The following FBXL7 variants were observed in gnomAD, a reference collection of about 807,000 sequenced individuals.
The protein encoded by FBXL7 is F-box/LRR-repeat protein 7.
Under a neutral mutation model 38.3 loss-of-function variants are expected in FBXL7, and 12 were observed. The ratio of observed to expected loss-of-function variants is 0.31; its 90% CI spans 0.20 to 0.51. The LOEUF (loss-of-function observed/expected upper bound fraction) is 0.51. Ranked by LOEUF, FBXL7 falls within the 20% of genes least tolerant of loss-of-function variation. FBXL7 has a pLI of 0.98. For synonymous variants in FBXL7, 297 were observed against 300.9 expected (o/e 0.99, Z 0.13); for missense variants, 567 against 676.4 (o/e 0.84, Z 1.79).
At chr5:15,754,641 G>T (rs556273830) in intron 2 of FBXL7, among the ~76,000 whole-genome samples, 1 of 152,294 alleles carries the variant, frequency 6.6e-6, no homozygotes, top group Non-Finnish European at 1.5e-5. Context: ...TGAGAAAACT[G>T]TACTATTCTA....
At chr5:15,618,495 G>A (rs770315978) in intron 2 of FBXL7, among the ~76,000 whole-genome samples, 2 of 152,150 alleles carry the variant, frequency 1.3e-5, no homozygotes, top group Non-Finnish European at 2.9e-5. Context: ...ATGTATTTCA[G>A]GGATGTTTGC....
rs1271748755 is a variant in FBXL7 at position 15,551,582 on chromosome 5, C to G, written c.37+50869C>G. On this transcript the variant is annotated intron_variant, in intron 1 of 3. Coordinates refer to ENST00000504595, the MANE Select transcript of FBXL7 (RefSeq NM_012304.5). ...CATGGCAGCATGGAGATGGACACTC[C>G]TGGTTGGGACTCCTGTGGATCTTTA... Among the ~76,000 whole-genome samples the G allele has an allele frequency of 2.0e-5, 3 of 152,176 alleles. No homozygotes were observed. In the South Asian group the frequency reaches 6.2e-4, roughly 32 times the overall value.
chr5:15,855,340 C>T (rs536344193), intron 2 of FBXL7, among the ~76,000 whole-genome samples: 65 of 152,166 alleles, frequency 4.3e-4, no homozygotes, highest in Middle Eastern at 3.4e-3. Flanking sequence ...CCCTTTCAGA[C>T]GTTTTTCTGC....
chr5:15,560,221 ATACT>A (rs1738372687), intron 1 of FBXL7, among the ~76,000 whole-genome samples: 1 of 152,186 alleles, frequency 6.6e-6, no homozygotes, highest in African/African-American at 2.4e-5. Context: ...GACCTTAATA[ATACT>A]TAATATTTCT....
intron 2 of FBXL7, among the ~76,000 whole-genome samples, chr5:15,880,917 A>G (rs1391158076): frequency 6.6e-6 from 1 of 151,764 alleles, no homozygotes; most frequent in Non-Finnish European, 1.5e-5. Context: ...TTATTATTCT[A>G]TGATTCTAGT....
intron 2 of FBXL7, among the ~76,000 whole-genome samples, chr5:15,674,172 A>G (rs1742576787): frequency 6.6e-6 from 1 of 152,224 alleles, no homozygotes; most frequent in Admixed American, 6.5e-5. Flanking sequence ...ATTAAGAACT[A>G]GTGATAATTC....
chr5:15,856,267 C>A (rs1025031553), intron 2 of FBXL7, among the ~76,000 whole-genome samples: 1 of 152,028 alleles, frequency 6.6e-6, no homozygotes, highest in African/African-American at 2.4e-5. Context: ...AAACCGACCC[C>A]ATGATTCAAA....
intron 2 of FBXL7, among the ~76,000 whole-genome samples, chr5:15,748,325 C>T (rs957984676): frequency 6.6e-6 from 1 of 152,214 alleles, no homozygotes; most frequent in African/African-American, 2.4e-5. Flanking sequence ...ATGTTTCTCA[C>T]CACTTAAATA....
intron 1 of FBXL7, chr5:15,602,251 T>C (rs1739821188): frequency 6.6e-6 from 1 of 152,110 alleles, no homozygotes. Flanking sequence ...TACGGAGTAC[T>C]TTACAGCATG....
At chr5:15,643,598 T>C (rs755330130) in intron 2 of FBXL7, among the ~76,000 whole-genome samples, 2 of 152,200 alleles carry the variant, frequency 1.3e-5, no homozygotes, top group African/African-American at 2.4e-5. Context: ...ATGTTAAGTG[T>C]GGAACTTTGA....
intron 2 of FBXL7, among the ~76,000 whole-genome samples, chr5:15,792,799 C>G (rs533410668): frequency 6.6e-6 from 1 of 152,286 alleles, no homozygotes; most frequent in South Asian, 2.1e-4. Context: ...GATGAGGCCC[C>G]CTCTCCTGCC....
chr5:15,632,365 C>G (rs574861739), intron 2 of FBXL7, among the ~76,000 whole-genome samples: 1 of 152,060 alleles, frequency 6.6e-6, no homozygotes, highest in African/African-American at 2.4e-5. Context: ...ATTGAAACAT[C>G]TACATGTGAA....
intron 2 of FBXL7, among the ~76,000 whole-genome samples, chr5:15,902,437 A>T (rs1427846457): frequency 6.6e-6 from 1 of 152,226 alleles, no homozygotes; most frequent in Non-Finnish European, 1.5e-5. Context: ...GACATAATGA[A>T]GACAACTGAA....
chr5:15,869,310 T>C (rs1387253928), intron 2 of FBXL7, among the ~76,000 whole-genome samples: 1 of 152,140 alleles, frequency 6.6e-6, no homozygotes, highest in Non-Finnish European at 1.5e-5. Flanking sequence ...GAAGCAGGCA[T>C]TTGGGGGAGC....
chr5:15,649,147 C>A (rs758032295), intron 2 of FBXL7, among the ~76,000 whole-genome samples: 4 of 152,116 alleles, frequency 2.6e-5, no homozygotes, highest in Non-Finnish European at 5.9e-5. Context: ...CAGGCATAAG[C>A]CACCACACCC....
intron 1 of FBXL7, among the ~76,000 whole-genome samples, chr5:15,566,308 G>A (rs1354330458): frequency 4.6e-5 from 7 of 152,096 alleles, no homozygotes; most frequent in Admixed American, 4.6e-4. Flanking sequence ...TTTTTTATTG[G>A]AGCTTAAGTA....
intron 1 of FBXL7, among the ~76,000 whole-genome samples, chr5:15,614,264 CTTTTCTTTTCTTTTT>C (rs1453381444): frequency 6.8e-6 from 1 of 146,624 alleles, no homozygotes; most frequent in Non-Finnish European, 1.5e-5. Flanking sequence ...CTTTTCTTTT[CTTTTCTTTTCTTTTT>C]TTTTTTTTGA....
rs1420380110 is a variant in FBXL7 at position 15,770,087 on chromosome 5, A to G, written c.127+154015A>G. 3.3e-5 allele frequency among the ~76,000 whole-genome samples: 5 copies of G among 152,224 alleles called. No individual in the cohort carries two copies. In the East Asian group the frequency reaches 9.6e-4, roughly 29 times the overall value. On this transcript the variant is annotated intron_variant, in intron 2 of 3. Coordinates refer to ENST00000504595, the MANE Select transcript of FBXL7 (RefSeq NM_012304.5). Reference sequence around the variant, plus strand: ...TATGGAATCACAGACTATTAAAGCCAGATGGATTTGCTCTGTTGATTGACG... The same window carrying G: ...TATGGAATCACAGACTATTAAAGCCGGATGGATTTGCTCTGTTGATTGACG...
chr5:15,527,541 A>G (rs1277082566), intron 1 of FBXL7, among the ~76,000 whole-genome samples: 2 of 152,164 alleles, frequency 1.3e-5, no homozygotes, highest in Non-Finnish European at 2.9e-5. Flanking sequence ...TTTTCCTTTT[A>G]CTTTAAAGAG....
Sources: allele counts gnomAD v4.1 joint callset (sites outside exome capture counted in the v4.1 genomes callset), GRCh38; gene constraint gnomAD v4.1.1; transcripts MANE v1.5; gene names NCBI Gene and HGNC (gene_info 2026-07-23, HGNC 2026-07-21).